The following RBPMS variants were observed in gnomAD, a reference collection of about 807,000 sequenced individuals.
RBPMS encodes RNA-binding protein with multiple splicing.
A neutral mutation model predicts 26.8 loss-of-function variants in RBPMS; 7 were observed. The observed-to-expected ratio is 0.26, with a 90% CI of 0.15 to 0.49. RBPMS has a LOEUF of 0.49. RBPMS is among the 20% of genes least tolerant of loss of function. RBPMS has a pLI of 0.98. For synonymous variants in RBPMS, 96 were observed against 93.3 expected, an observed-to-expected ratio of 1.03 and a Z score of -0.17; for missense variants, 186 against 250.0, an observed-to-expected ratio of 0.74 and a Z score of 1.73.
chr8:30,500,757 T>A (rs1820476577), intron 4 of RBPMS, among the ~76,000 whole-genome samples: 1 of 152,118 alleles, frequency 6.6e-6, no homozygotes, highest in Non-Finnish European at 1.5e-5. Context: ...CAGCTGCCCC[T>A]TAAATAGGCA....
intron 5 of RBPMS, among the ~76,000 whole-genome samples, chr8:30,536,128 C>CTTTTT (rs11440225): frequency 7.2e-6 from 1 of 138,202 alleles, no homozygotes; most frequent in Non-Finnish European, 1.6e-5. Context: ...TCATCTCTCT[C>CTTTTT]TTTTTTTTTT....
At chr8:30,424,248 G>T (rs7012539) in intron 1 of RBPMS, among the ~76,000 whole-genome samples, 31,521 of 152,130 alleles carry the variant, frequency 0.21, 3,434 homozygotes, top group Non-Finnish European at 0.22. Context: ...GCTATCTTGG[G>T]CAAGTTACTT....
intron 1 of RBPMS, among the ~76,000 whole-genome samples, chr8:30,421,587 C>A (rs1810795064): frequency 6.6e-6 from 1 of 152,162 alleles, no homozygotes; most frequent in African/African-American, 2.4e-5. Context: ...TAGGTACCTA[C>A]TATGTGCCAA....
rs1270974193 is a variant in RBPMS, at chr8:30,547,148, C to T, written c.528+2524C>T. The T allele has an allele frequency of 1.1e-5, 7 of 632,924 alleles. No homozygotes were observed. The African/African-American group carries it at 1.1e-4, about 10-fold the overall frequency. The allele number at this position is 632,924 out of a possible 1,614,324, so 39.2% of individuals were successfully genotyped here. ...TAACTGGAGGCAGAGCAGACTGGAG[C>T]CTCTACGGGGCATCTCCCCATATTG... On this transcript the variant is annotated intron_variant, in intron 6 of 8. Coordinates refer to ENST00000397323, the MANE Select transcript of RBPMS (RefSeq NM_001008710.3).
In RBPMS at chr8:30,514,623, A is replaced by G. The variant is rs542974013; in HGVS notation, c.397+10187A>G. On this transcript the variant is annotated intron_variant, in intron 5 of 8. Transcript: ENST00000397323. ...TCAGTGGCTTGATCGGCTCACTGCA[A>G]CCTCCATCTCAGCTTTCCCAGTAGC... Among the ~76,000 whole-genome samples the G allele has an allele frequency of 1.2e-4, 17 of 145,670 alleles. No individual in the cohort carries two copies. The East Asian group carries it at 3.0e-3, about 26-fold the overall frequency.
At chr8:30,551,627 C>T (rs952202248) in intron 6 of RBPMS, among the ~76,000 whole-genome samples, 5 of 152,156 alleles carry the variant, frequency 3.3e-5, no homozygotes, top group East Asian at 1.9e-4. Context: ...TAGTAAGAGC[C>T]CAACCCTGAG....
intron 6 of RBPMS, among the ~76,000 whole-genome samples, chr8:30,554,210 T>C (rs1219501087): frequency 6.6e-6 from 1 of 152,200 alleles, no homozygotes; most frequent in Non-Finnish European, 1.5e-5. Context: ...TCCATGTACA[T>C]GAGACATCAG....
intron 1 of RBPMS, among the ~76,000 whole-genome samples, chr8:30,461,164 A>G (rs2150779626): frequency 6.6e-6 from 1 of 152,216 alleles, no homozygotes. Context: ...ACCAACTGAT[A>G]CCAATCTCTT....
chr8:30,448,161 G>T (rs930054919), intron 1 of RBPMS, among the ~76,000 whole-genome samples: 2 of 152,184 alleles, frequency 1.3e-5, no homozygotes, highest in Admixed American at 6.5e-5. Context: ...AATAAATTAG[G>T]CTTGTTCTAA....
chr8:30,511,486 A>AAAAAAAAAAAAT (rs1821657057), intron 5 of RBPMS, among the ~76,000 whole-genome samples: 1 of 23,574 alleles, frequency 4.2e-5, no homozygotes, highest in African/African-American at 1.6e-4. Context: ...AAAAAAAAAA[A>AAAAAAAAAAAAT]ATATATATAT....
At chr8:30,529,516 G>GACAAA (rs1226131395) in intron 5 of RBPMS, among the ~76,000 whole-genome samples, 1 of 149,112 alleles carries the variant, frequency 6.7e-6, no homozygotes, top group African/African-American at 2.5e-5. Flanking sequence ...AAAAAGAAAA[G>GACAAA]ACAAAACAAA....
In RBPMS at chr8:30,389,806, A is replaced by G. The variant is rs187655322; in HGVS notation, c.66+4648A>G. Among the ~76,000 whole-genome samples, 275 of 152,198 alleles carry G rather than the reference A, an allele frequency of 1.8e-3. 2 individuals are homozygous for G. The highest frequency in any genetic ancestry group is 6.1e-3 in the African/African-American group (254 of 41,550). On this transcript the variant is annotated intron_variant, in intron 1 of 8. Transcript: ENST00000397323. ...ATGGATTATAAAATATGTATTATAT[A>G]TAAATTCATATTTATTATGTATTAT...
chr8:30,530,391 C>T (rs2151009810), intron 5 of RBPMS, among the ~76,000 whole-genome samples: 1 of 152,358 alleles, frequency 6.6e-6, no homozygotes. Context: ...CTGGGTTTCT[C>T]AGTCTCCACT....
intron 1 of RBPMS, among the ~76,000 whole-genome samples, chr8:30,461,685 G>A (rs890284008): frequency 1.2e-4 from 19 of 152,260 alleles, no homozygotes; most frequent in South Asian, 6.2e-4. Context: ...GTGAGCCACC[G>A]CACCCGGCCT....
chr8:30,570,517 C>T (rs981793419), intron 8 of RBPMS, 120 bp from the exon 9 acceptor site: 6 of 152,704 alleles, frequency 3.9e-5, no homozygotes, highest in African/African-American at 1.4e-4. Context: ...TCTATACACA[C>T]ATCCGCACAC....
At chr8:30,491,396 A>G (rs73669950) in intron 4 of RBPMS, among the ~76,000 whole-genome samples, 1 of 152,248 alleles carries the variant, frequency 6.6e-6, no homozygotes, top group African/African-American at 2.4e-5. Context: ...CACGTTTTCT[A>G]CTTGCTCTTG....
chr8:30,498,631 CA>C (rs1312650813), intron 4 of RBPMS, among the ~76,000 whole-genome samples: 1 of 152,066 alleles, frequency 6.6e-6, no homozygotes, highest in Non-Finnish European at 1.5e-5. Context: ...AGACTAAAGA[CA>C]AAAAACTGTA....
rs76635631 is a variant in RBPMS, at chr8:30,539,447, T to C, written c.398-5047T>C. ...CTTAGTTCAGACATTATAAGTTATCTGTGAGACCTTAGATAGATCTTGGTG... is the reference window on the plus strand; with the variant it reads ...CTTAGTTCAGACATTATAAGTTATCCGTGAGACCTTAGATAGATCTTGGTG... On this transcript the variant is annotated intron_variant, in intron 5 of 8. Transcript: ENST00000397323. Among the ~76,000 whole-genome samples the C allele has an allele frequency of 1.1e-3, 170 of 152,266 alleles. 1 individual carries two copies. In the East Asian group the frequency reaches 0.02, roughly 18 times the overall value.
At chr8:30,552,721 T>C (rs1255737759) in intron 6 of RBPMS, 1 of 152,224 alleles carries the variant, frequency 6.6e-6, no homozygotes, top group Non-Finnish European at 1.5e-5. Context: ...TCTGGGCACA[T>C]TTCACATGCC....
Sources: allele counts gnomAD v4.1 joint callset (sites outside exome capture counted in the v4.1 genomes callset), GRCh38; gene constraint gnomAD v4.1.1; transcripts MANE v1.5; gene names NCBI Gene and HGNC (gene_info 2026-07-23, HGNC 2026-07-21).